The following LMBRD1 variants were observed in gnomAD, a reference collection of about 807,000 sequenced individuals.
LMBRD1 encodes the protein lysosomal cobalamin transport escort protein LMBD1.
LMBRD1 carries 64 observed loss-of-function variants against 74.8 expected under a neutral mutation model. The ratio of observed to expected loss-of-function variants is 0.86; its 90% CI spans 0.70 to 1.05. The LOEUF (loss-of-function observed/expected upper bound fraction) is 1.05, where lower values mean the gene tolerates loss of function less well. LMBRD1 is among the 50% of genes least tolerant of loss of function. The pLI is 0.00. For missense variants in LMBRD1, 652 were observed against 645.9 expected (o/e 1.01, Z -0.10); for synonymous variants, 204 against 216.3 (o/e 0.94, Z 0.50).
chr6:69,780,639 T>A, intron 2 of LMBRD1, 85 bp from the exon 3 acceptor site: 1 of 951,844 alleles, frequency 1.1e-6, no homozygotes, highest in South Asian at 1.3e-5. Flanking sequence ...CGACTGAATA[T>A]CACTTCCAAA....
At chr6:69,708,754 G>A (rs556811198) in intron 9 of LMBRD1, among the ~76,000 whole-genome samples, 1 of 152,104 alleles carries the variant, frequency 6.6e-6, no homozygotes, top group Non-Finnish European at 1.5e-5. Flanking sequence ...ATGAATTATA[G>A]TAGAGAATAA....
chr6:69,783,362 A>T (rs1765878303), intron 2 of LMBRD1, among the ~76,000 whole-genome samples: 1 of 152,120 alleles, frequency 6.6e-6, no homozygotes, highest in African/African-American at 2.4e-5. Flanking sequence ...GAAATTTAAA[A>T]GTATTTTTGT....
chr6:69,703,381 A>G (rs932223354), intron 9 of LMBRD1, among the ~76,000 whole-genome samples: 4 of 151,740 alleles, frequency 2.6e-5, no homozygotes, highest in Non-Finnish European at 5.9e-5. Context: ...ATGAAATGCC[A>G]ATTAGTAGTA....
In LMBRD1 at chr6:69,698,996, C is replaced by T. The variant is rs374171853; in HGVS notation, c.1338+47G>A. 3.9e-6 allele frequency: 5 copies of T among 1,269,328 alleles called. No individual in the cohort carries two copies. In the African/African-American group the frequency reaches 4.5e-5, roughly 11 times the overall value. The allele number at this position is 1,269,328 out of a possible 1,614,324, so 78.6% of individuals were successfully genotyped here. On this transcript the variant is annotated intron_variant, in intron 13 of 15. Transcript: ENST00000649934. ...AATTAAAATTTCATTTTAAATATCA[C>T]TATCTTTAAAATATCAAAATAATCA...
chr6:69,737,896 T>G, intron 7 of LMBRD1, 46 bp downstream of exon 7: 1 of 1,227,134 alleles, frequency 8.1e-7, no homozygotes, highest in South Asian at 1.3e-5. Context: ...GGTAAAAAAA[T>G]TGTTTTATAA....
intron 2 of LMBRD1, among the ~76,000 whole-genome samples, chr6:69,786,448 G>A (rs1078026): frequency 0.48 from 72,732 of 151,220 alleles, 18,142 homozygotes; most frequent in African/African-American, 0.61. Flanking sequence ...TACATGTTGT[G>A]TAAAAGAAAG....
At chr6:69,767,550 T>G (rs1765496921) in intron 3 of LMBRD1, among the ~76,000 whole-genome samples, 1 of 151,900 alleles carries the variant, frequency 6.6e-6, no homozygotes, top group Non-Finnish European at 1.5e-5. Context: ...ACATTATGAT[T>G]GGAAAATGCA....
chr6:69,754,446 A>G (rs1765229514), intron 3 of LMBRD1, among the ~76,000 whole-genome samples: 1 of 152,224 alleles, frequency 6.6e-6, no homozygotes, highest in Non-Finnish European at 1.5e-5. Context: ...CATGCAATAC[A>G]GATAAAAGAA....
chr6:69,695,810 A>T (rs1582056337), intron 14 of LMBRD1, among the ~76,000 whole-genome samples: 1 of 147,062 alleles, frequency 6.8e-6, no homozygotes, highest in Non-Finnish European at 1.5e-5. Flanking sequence ...TCAACTAATC[A>T]TTTTTTTTTA....
chr6:69,740,898 T>C (rs1767087564), intron 6 of LMBRD1, among the ~76,000 whole-genome samples: 1 of 152,130 alleles, frequency 6.6e-6, no homozygotes, highest in African/African-American at 2.4e-5. Context: ...ATTAAGCAAT[T>C]TTCTTAACCT....
Position 69,773,466 on chromosome 6 carries a change from T to C in LMBRD1, c.307+7028A>G, listed in dbSNP as rs191225635. Among the ~76,000 whole-genome samples the C allele has an allele frequency of 2.0e-3, 298 of 152,260 alleles. 1 individual carries two copies. The highest frequency in any genetic ancestry group is 7.0e-3 in the African/African-American group (289 of 41,556). On this transcript the variant is annotated intron_variant, in intron 3 of 15. Coordinates refer to ENST00000649934, the MANE Select transcript of LMBRD1 (RefSeq NM_018368.4). ...TAAAAAAGTTTCCAGATACAAATTA[T>C]CAGCACCTAATCAATAGGGAATGAA... is the stretch of plus-strand genomic sequence containing the variant.
intron 14 of LMBRD1, among the ~76,000 whole-genome samples, chr6:69,689,387 T>C (rs1359508936): frequency 2.0e-5 from 3 of 152,082 alleles, no homozygotes; most frequent in African/African-American, 4.8e-5. Flanking sequence ...GCAGACTGAC[T>C]TCAGTGAGGA....
chr6:69,775,607 G>A (rs747394204), intron 3 of LMBRD1, among the ~76,000 whole-genome samples: 2 of 152,192 alleles, frequency 1.3e-5, no homozygotes, highest in Non-Finnish European at 2.9e-5. Flanking sequence ...AGGGAGGAGG[G>A]AGATTTGAGC....
chr6:69,728,219 G>A (rs575924816), intron 7 of LMBRD1, among the ~76,000 whole-genome samples: 13 of 152,186 alleles, frequency 8.5e-5, no homozygotes, highest in African/African-American at 1.4e-4. Context: ...CCCAGATCTC[G>A]TGAGAACTCT....
At chr6:69,706,928 C>G (rs927969180) in intron 9 of LMBRD1, among the ~76,000 whole-genome samples, 3 of 152,174 alleles carry the variant, frequency 2.0e-5, no homozygotes, top group Non-Finnish European at 4.4e-5. Flanking sequence ...GGTCAGCTGT[C>G]TGTGCACAGT....
At chr6:69,721,056 C>G (rs1349349743) in intron 7 of LMBRD1, among the ~76,000 whole-genome samples, 2 of 152,210 alleles carry the variant, frequency 1.3e-5, no homozygotes, top group Non-Finnish European at 2.9e-5. Context: ...TGCACCAACA[C>G]CAGCCAGAGG....
Position 69,682,378 on chromosome 6 carries a change from A to G in LMBRD1, c.1418-5837T>C, listed in dbSNP as rs536537143. On this transcript the variant is annotated intron_variant, in intron 14 of 15. Coordinates refer to ENST00000649934, the MANE Select transcript of LMBRD1 (RefSeq NM_018368.4). ...TTTGCCAGATATTTTGCACTTAAGAATAAGTTTCAGAGTAACCATTTTTAA... is the reference window on the plus strand; with the variant it reads ...TTTGCCAGATATTTTGCACTTAAGAGTAAGTTTCAGAGTAACCATTTTTAA... Among the ~76,000 whole-genome samples, 5 of 152,078 alleles carry G rather than the reference A, an allele frequency of 3.3e-5. No individual in the cohort carries two copies. In the South Asian group the frequency reaches 6.2e-4, roughly 19 times the overall value.
At chr6:69,692,555 T>A (rs1274299684) in intron 14 of LMBRD1, among the ~76,000 whole-genome samples, 1 of 152,192 alleles carries the variant, frequency 6.6e-6, no homozygotes, top group African/African-American at 2.4e-5. Context: ...TCAATAGTGT[T>A]GCCACCATTC....
chr6:69,700,400 C>T (rs755985875), intron 12 of LMBRD1, among the ~76,000 whole-genome samples: 4 of 151,666 alleles, frequency 2.6e-5, no homozygotes, highest in Non-Finnish European at 5.9e-5. Flanking sequence ...AACTTTTGGA[C>T]CAGGGTTTCT....
Sources: gnomAD v4.1 joint callset for allele counts (sites outside exome capture counted in the v4.1 genomes callset) on GRCh38, gnomAD v4.1.1 for gene constraint, MANE v1.5 for transcripts, NCBI Gene and HGNC (gene_info 2026-07-23, HGNC 2026-07-21) for gene names.